The following AFF1 variants were observed in gnomAD, a reference collection of about 807,000 sequenced individuals.
The protein encoded by AFF1 is AF4/FMR2 family member 1.
AFF1 carries 48 observed loss-of-function variants against 121.7 expected under a neutral mutation model. That is an observed-to-expected ratio of 0.39 (90% confidence interval 0.31 to 0.50). The LOEUF is 0.50. Ranked by LOEUF, AFF1 falls within the 20% of genes least tolerant of loss-of-function variation. AFF1 has a pLI of 0.76. For synonymous variants in AFF1, 613 were observed against 563.0 expected (o/e 1.09, Z -1.26); for missense variants, 1,523 against 1,511.7 (o/e 1.01, Z -0.12).
chr4:86,998,056 C>T (rs1725356219), intron 2 of AFF1, among the ~76,000 whole-genome samples: 2 of 136,792 alleles, frequency 1.5e-5, no homozygotes, highest in Non-Finnish European at 1.5e-5. Context: ...TGAGATTGTG[C>T]CATTGCACTC....
intron 2 of AFF1, among the ~76,000 whole-genome samples, chr4:87,039,543 T>C (rs186992612): frequency 6.6e-6 from 1 of 152,230 alleles, no homozygotes; most frequent in African/African-American, 2.4e-5. Context: ...TGAGTGTTTA[T>C]GTTCTGCAGG....
chr4:86,975,062 A>G (rs1459381652), intron 2 of AFF1, among the ~76,000 whole-genome samples: 4 of 152,084 alleles, frequency 2.6e-5, no homozygotes, highest in African/African-American at 2.4e-5. Flanking sequence ...TTGCAACCCA[A>G]TACGCACTTA....
chr4:87,094,049 C>T (rs1724581483), intron 7 of AFF1, among the ~76,000 whole-genome samples: 1 of 152,058 alleles, frequency 6.6e-6, no homozygotes, highest in African/African-American at 2.4e-5. Context: ...CCTTCAGAGC[C>T]CTCTGAAATC....
At chr4:87,013,363 C>A (rs764999528) in intron 2 of AFF1, among the ~76,000 whole-genome samples, 1 of 152,046 alleles carries the variant, frequency 6.6e-6, no homozygotes, top group Non-Finnish European at 1.5e-5. Flanking sequence ...GTTCTTAAGG[C>A]TATTGCTGGG....
chr4:87,071,278 C>G (rs1722027562), intron 4 of AFF1, among the ~76,000 whole-genome samples: 1 of 148,078 alleles, frequency 6.8e-6, no homozygotes, highest in African/African-American at 2.5e-5. Flanking sequence ...ATTAAGGAAA[C>G]AACTGTTGGA....
At chr4:86,983,936 C>T (rs1217299383) in intron 2 of AFF1, among the ~76,000 whole-genome samples, 2 of 148,468 alleles carry the variant, frequency 1.3e-5, no homozygotes, top group Non-Finnish European at 3.0e-5. Context: ...ACTCGGGAGG[C>T]TGAGGCAGGA....
In AFF1 at chr4:87,131,793, A is replaced by T. The variant is rs759754068; in HGVS notation, c.3102A>T (p.Lys1034Asn). The change falls in exon 18 of 21, where the codon AAA becomes AAT. Residue 1034 changes from lysine to asparagine, a missense_variant and splice_region_variant. Physicochemically the swap from Lys to Asn is moderately conservative, Grantham distance 94 (BLOSUM62 0). Around this residue, in one of 5 missense-constraint regions of AFF1, gnomAD observed 241 missense variants for 265.2 expected, o/e 0.91. Transcript: ENST00000395146. ...SVYSETVDLIKFIMSLKSFSD... is the reference protein window; with the variant it reads ...SVYSETVDLINFIMSLKSFSD... Reference sequence around the variant, plus strand: ...GATGTACTTTTATATTTTCCTATAGATTCATAATGTCATTAAAATCCTTCT... The same window carrying T: ...GATGTACTTTTATATTTTCCTATAGTTTCATAATGTCATTAAAATCCTTCT... 3 of 1,594,248 alleles carry T rather than the reference A, an allele frequency of 1.9e-6. No individual in the cohort carries two copies. The highest frequency in any genetic ancestry group is 3.6e-5 in the Admixed American group (2 of 55,898).
chr4:87,051,356 C>T (rs1356101383), intron 4 of AFF1, among the ~76,000 whole-genome samples: 1 of 151,544 alleles, frequency 6.6e-6, no homozygotes, highest in African/African-American at 2.4e-5. Context: ...AGTTTCATTT[C>T]CTGTGTGTTT....
rs1355811556 is a variant in AFF1 at position 87,012,220 on chromosome 4, G to GT, written c.39-33931dup. Among the ~76,000 whole-genome samples the GT allele has an allele frequency of 6.6e-4, 81 of 122,928 alleles. 1 individual carries two copies. Among genetic ancestry groups the GT allele is most frequent in the East Asian group, 6.4e-3 (24 of 3,722 alleles). 80.6% of individuals were successfully genotyped at this position (122,928 alleles called of 152,430 possible). On this transcript the variant is annotated intron_variant, in intron 2 of 20. Transcript: ENST00000395146. ...AGCAAACTTCTCCATTTCATTTCTT[G>GT]TTTTTTTTTTTTTTTGTATAACTAT...
At chr4:87,000,627 G>A (rs1560529888) in intron 2 of AFF1, among the ~76,000 whole-genome samples, 1 of 150,900 alleles carries the variant, frequency 6.6e-6, no homozygotes, top group Non-Finnish European at 1.5e-5. Flanking sequence ...GTGTGTGTGT[G>A]TGTGTGTGTG....
intron 2 of AFF1, among the ~76,000 whole-genome samples, chr4:87,024,045 T>G (rs1034337483): frequency 6.6e-6 from 1 of 152,232 alleles, no homozygotes; most frequent in Non-Finnish European, 1.5e-5. Flanking sequence ...CATTCTGTTA[T>G]GTTCTGATCT....
chr4:86,943,610 T>G (rs1195629440), intron 1 of AFF1, among the ~76,000 whole-genome samples: 2 of 152,138 alleles, frequency 1.3e-5, no homozygotes, highest in African/African-American at 4.8e-5. Context: ...ACACCTGTGA[T>G]ACCAGCATTT....
Position 87,047,149 on chromosome 4 carries a change from T to G in AFF1, c.614T>G (p.Leu205Arg). 1.2e-6 allele frequency: 2 copies of G among 1,614,156 alleles called. No individual in the cohort carries two copies. Among genetic ancestry groups the G allele is most frequent in the Non-Finnish European group, 1.7e-6 (2 of 1,180,030 alleles). The change falls in exon 4 of 21, where the codon CTT becomes CGT. Residue 205 changes from leucine to arginine, a missense_variant. Leu to Arg is a moderately radical substitution (Grantham distance 102). Transcript: ENST00000395146. ...ACAGATTCGGCTCCAGAGAGGGAGCTTTCTCCCTTAATCTCTTTGCCTTCC... is the reference window on the plus strand; with the variant it reads ...ACAGATTCGGCTCCAGAGAGGGAGCGTTCTCCCTTAATCTCTTTGCCTTCC... Reference protein sequence around the residue: ...SVTDSAPERELSPLISLPSPV... With the variant: ...SVTDSAPERERSPLISLPSPV...
chr4:87,135,462 T>G, intron 20 of AFF1, 118 bp from the exon 21 acceptor site: 9 of 1,053,490 alleles, frequency 8.5e-6, no homozygotes, highest in Non-Finnish European at 1.1e-5. Context: ...TTTGATGTGA[T>G]TAAGTGCAGA....
Position 87,105,683 on chromosome 4 carries a change from G to C in AFF1, c.1338+1G>C. ...CAGTGAGGACAGTGACAGTGAACAA[G>C]TAAGTGTTGCACAGCCTGTAATACC... is the stretch of plus-strand genomic sequence containing the variant. On this transcript the variant is annotated splice_donor_variant, in intron 9 of 20. Coordinates refer to ENST00000395146, the MANE Select transcript of AFF1 (RefSeq NM_001166693.3). LOFTEE classifies it high-confidence loss of function. 1 of 1,614,202 alleles carries C rather than the reference G, an allele frequency of 6.2e-7. No homozygotes were observed. The highest frequency in any genetic ancestry group is 8.5e-7 in the Non-Finnish European group (1 of 1,180,026).
At position 87,138,490 on chromosome 4, in the gene AFF1, GGTGTGT is replaced by G. The variant is rs35457894; in HGVS notation, c.*2816_*2821del. The G allele has an allele frequency of 0.026, 5,714 of 218,774 alleles. 167 individuals carry two copies. Among genetic ancestry groups the G allele is most frequent in the African/African-American group, 0.093 (3,911 of 42,042 alleles). The allele number at this position is 218,774 out of a possible 1,614,324, so 13.6% of individuals were successfully genotyped here. ...GTAAATCTTGCCTTTGGCACTACAA[GGTGTGT>G]GTGTGTGTGTGTGTGTGTGTGTGTG... is the stretch of plus-strand genomic sequence containing the variant. On this transcript the variant is annotated 3_prime_UTR_variant, in exon 21 of 21. Transcript: ENST00000395146.
intron 2 of AFF1, among the ~76,000 whole-genome samples, chr4:87,018,201 C>T (rs1306949139): frequency 3.9e-5 from 6 of 152,200 alleles, no homozygotes; most frequent in African/African-American, 1.4e-4. Context: ...TAAGAGCCAA[C>T]CATTGGTGTG....
chr4:86,948,355 A>G (rs1321029528), intron 1 of AFF1, 143 bp from the exon 2 acceptor site: 3 of 554,736 alleles, frequency 5.4e-6, no homozygotes, highest in African/African-American at 1.9e-5. Context: ...GTTTGTTCAT[A>G]CAACTTGGGA....
intron 11 of AFF1, among the ~76,000 whole-genome samples, chr4:87,111,012 A>ATTTTTTTATTTTTTATTTTT (rs1726457420): frequency 3.4e-5 from 1 of 29,278 alleles, no homozygotes; most frequent in African/African-American, 8.9e-5. Context: ...TTTTTTTTTT[A>ATTTTTTTATTTTTTATTTTT]TTTTTTTTTT....
Sources: gnomAD v4.1 joint callset for allele counts (sites outside exome capture counted in the v4.1 genomes callset) on GRCh38, gnomAD v4.1.1 for gene constraint, gnomAD v4.1.1 regional missense constraint, MANE v1.5 for transcripts, NCBI Gene and HGNC (gene_info 2026-07-23, HGNC 2026-07-21) for gene names.